Variants in PPFIA2 observed in about 807,000 individuals in gnomAD.
PPFIA2 encodes liprin-alpha-2.
PPFIA2 carries 46 observed loss-of-function variants against 175.5 expected under a neutral mutation model. That is an observed-to-expected ratio of 0.26 (90% CI 0.21 to 0.34). The LOEUF is 0.34. Among genes scored for constraint, PPFIA2 ranks in the 10% least tolerant of loss-of-function variants. The pLI is 1.00. For synonymous variants in PPFIA2, 568 were observed against 511.4 expected, an observed-to-expected ratio of 1.11 and a Z score of -1.49; for missense variants, 1,179 against 1,506.1, an observed-to-expected ratio of 0.78 and a Z score of 3.60.
chr12:81,377,155 T>C (rs2036551779), intron 9 of PPFIA2, among the ~76,000 whole-genome samples: 3 of 152,054 alleles, frequency 2.0e-5, no homozygotes, highest in African/African-American at 2.4e-5. Flanking sequence ...AAACTTGAAG[T>C]GAGATGCTGT....
At chr12:81,382,039 G>A (rs554198449) in intron 9 of PPFIA2, among the ~76,000 whole-genome samples, 7 of 152,174 alleles carry the variant, frequency 4.6e-5, no homozygotes, top group African/African-American at 1.4e-4. Context: ...TGATAACCAA[G>A]TATATCAGTA....
At chr12:81,646,485 C>T (rs1250047062) in intron 4 of PPFIA2, among the ~76,000 whole-genome samples, 4 of 152,108 alleles carry the variant, frequency 2.6e-5, no homozygotes, top group Admixed American at 2.6e-4. Flanking sequence ...AGTAGGAAGC[C>T]ACAATAGTCT....
intron 4 of PPFIA2, among the ~76,000 whole-genome samples, chr12:81,674,301 T>G (rs12812523): frequency 0.017 from 2,530 of 152,178 alleles, 29 homozygotes; most frequent in Middle Eastern, 0.051. Context: ...AGACTTTGAA[T>G]TTCTTACCAA....
At chr12:81,635,040 A>C (rs1457381860) in intron 4 of PPFIA2, among the ~76,000 whole-genome samples, 1 of 152,228 alleles carries the variant, frequency 6.6e-6, no homozygotes, top group East Asian at 1.9e-4. Context: ...TTGCTGCATG[A>C]TTGGCTCAGA....
At chr12:81,471,963 T>A (rs2056808361) in intron 4 of PPFIA2, among the ~76,000 whole-genome samples, 1 of 152,214 alleles carries the variant, frequency 6.6e-6, no homozygotes. Context: ...CAAAATTGTA[T>A]ACATTAATTA....
chr12:81,284,420 C>G, intron 24 of PPFIA2, 117 bp from the exon 25 acceptor site: 1 of 730,140 alleles, frequency 1.4e-6, no homozygotes. Context: ...GTGCCCTTGC[C>G]CCTACCGTGT....
intron 7 of PPFIA2, among the ~76,000 whole-genome samples, chr12:81,406,870 G>T (rs1309609084): frequency 1.3e-5 from 2 of 152,124 alleles, no homozygotes; most frequent in Non-Finnish European, 2.9e-5. Context: ...AGACCAACAT[G>T]TCACAAGACG....
At chr12:81,385,478 G>A (rs2038720057) in intron 8 of PPFIA2, among the ~76,000 whole-genome samples, 1 of 152,132 alleles carries the variant, frequency 6.6e-6, no homozygotes, top group Admixed American at 6.6e-5. Flanking sequence ...ACGGATGAAT[G>A]GATAAAAGCG....
At chr12:81,488,110 G>C (rs1381863557) in intron 4 of PPFIA2, among the ~76,000 whole-genome samples, 1 of 151,822 alleles carries the variant, frequency 6.6e-6, no homozygotes, top group Admixed American at 6.6e-5. Context: ...CAGTTAGGGA[G>C]GTTTGATGGT....
intron 22 of PPFIA2, among the ~76,000 whole-genome samples, chr12:81,299,926 A>G (rs2047398948): frequency 6.6e-6 from 1 of 152,202 alleles, no homozygotes; most frequent in Admixed American, 6.6e-5. Context: ...CTATAAAACT[A>G]CATCTCACTT....
chr12:81,416,443 T>G (rs1303660776), intron 7 of PPFIA2, among the ~76,000 whole-genome samples: 1 of 151,582 alleles, frequency 6.6e-6, no homozygotes, highest in Non-Finnish European at 1.5e-5. Flanking sequence ...GTATTGGCAG[T>G]AATTGCGTTA....
intron 4 of PPFIA2, among the ~76,000 whole-genome samples, chr12:81,471,609 G>C (rs2056745405): frequency 6.6e-6 from 1 of 151,880 alleles, no homozygotes; most frequent in Non-Finnish European, 1.5e-5. Flanking sequence ...AGGACCTAGG[G>C]GTGCAGATGT....
chr12:81,457,646 A>C (rs1222679668), intron 5 of PPFIA2, 119 bp downstream of exon 5: 2 of 561,796 alleles, frequency 3.6e-6, no homozygotes, highest in African/African-American at 3.9e-5. Flanking sequence ...CTGAGTTACT[A>C]TCTGCTTAAA....
intron 11 of PPFIA2, among the ~76,000 whole-genome samples, chr12:81,371,329 G>T (rs1042105173): frequency 3.1e-4 from 10 of 31,986 alleles, no homozygotes; most frequent in Admixed American, 1.3e-3. Context: ...TAGAGTAAGT[G>T]GATCAAAATG....
At chr12:81,670,171 A>G (rs770055573) in intron 4 of PPFIA2, among the ~76,000 whole-genome samples, 5 of 151,964 alleles carry the variant, frequency 3.3e-5, no homozygotes, top group Admixed American at 2.0e-4. Context: ...CCTATCAGAT[A>G]TACAAGTGGA....
chr12:81,591,257 C>A (rs1180559167), intron 4 of PPFIA2, among the ~76,000 whole-genome samples: 1 of 152,122 alleles, frequency 6.6e-6, no homozygotes, highest in East Asian at 1.9e-4. Context: ...GAAGAAATTT[C>A]AAAGCAGCAA....
chr12:81,705,270 C>A (rs543774666), intron 3 of PPFIA2, among the ~76,000 whole-genome samples: 1 of 149,436 alleles, frequency 6.7e-6, no homozygotes, highest in East Asian at 2.0e-4. Context: ...CTGGCCAACA[C>A]GGTGAAACCC....
intron 5 of PPFIA2, among the ~76,000 whole-genome samples, chr12:81,446,975 A>G (rs1358140517): frequency 6.6e-6 from 1 of 152,104 alleles, no homozygotes; most frequent in African/African-American, 2.4e-5. Context: ...CTAAACATGC[A>G]TAAATCAGTA....
chr12:81,660,011 A>C (rs2068521938), intron 4 of PPFIA2, among the ~76,000 whole-genome samples: 1 of 152,198 alleles, frequency 6.6e-6, no homozygotes, highest in Non-Finnish European at 1.5e-5. Flanking sequence ...GAAAACTAAC[A>C]AACAGAAAGG....
Sources: allele counts gnomAD v4.1 joint callset (sites outside exome capture counted in the v4.1 genomes callset), GRCh38; gene constraint gnomAD v4.1.1; transcripts MANE v1.5; gene names NCBI Gene and HGNC (gene_info 2026-07-23, HGNC 2026-07-21).